Variants in RGL1 observed in about 807,000 individuals in gnomAD.
RGL1 encodes ral guanine nucleotide dissociation stimulator-like 1.
A neutral mutation model predicts 95.2 loss-of-function variants in RGL1; 24 were observed. That is an observed-to-expected ratio of 0.25 (90% CI 0.18 to 0.35). The LOEUF (loss-of-function observed/expected upper bound fraction) is 0.35. RGL1 is among the 10% of genes least tolerant of loss of function. The pLI is 1.00. For synonymous variants in RGL1, 329 were observed against 344.9 expected (o/e 0.95, Z 0.51); for missense variants, 715 against 936.3 (o/e 0.76, Z 3.08).
intron 1 of RGL1, chr1:183,648,037 T>G: frequency 6.2e-7 from 1 of 1,614,236 alleles, no homozygotes; most frequent in South Asian, 1.1e-5. Context: ...GTGTTTGGAT[T>G]CCTTTTTGTC....
intron 1 of RGL1, among the ~76,000 whole-genome samples, chr1:183,715,610 A>G (rs28627445): frequency 0.037 from 5,635 of 152,226 alleles, 130 homozygotes; most frequent in East Asian, 0.12. Flanking sequence ...AAGAATTGCT[A>G]TTATTTTGCC....
At chr1:183,684,277 G>A (rs993001076) in intron 1 of RGL1, among the ~76,000 whole-genome samples, 1 of 152,170 alleles carries the variant, frequency 6.6e-6, no homozygotes, top group African/African-American at 2.4e-5. Context: ...TAGCCTTTTT[G>A]TGCTGGTTTT....
At chr1:183,648,298 T>A in intron 1 of RGL1, 1 of 1,614,206 alleles carries the variant, frequency 6.2e-7, no homozygotes, top group Non-Finnish European at 8.5e-7. Flanking sequence ...GGAAAGTCCA[T>A]CTCAGTATGA....
chr1:183,715,403 G>A (rs955302346), intron 1 of RGL1, among the ~76,000 whole-genome samples: 1 of 152,054 alleles, frequency 6.6e-6, no homozygotes, highest in African/African-American at 2.4e-5. Flanking sequence ...TGTTATATAT[G>A]GTGAACTGAT....
At chr1:183,881,862 G>A (rs931589374) in intron 5 of RGL1, among the ~76,000 whole-genome samples, 1 of 152,226 alleles carries the variant, frequency 6.6e-6, no homozygotes. Context: ...CTCCAGCTGC[G>A]GACCTCAGCT....
intron 16 of RGL1, among the ~76,000 whole-genome samples, chr1:183,920,544 T>C (rs905856371): frequency 6.6e-6 from 1 of 152,204 alleles, no homozygotes; most frequent in African/African-American, 2.4e-5. Context: ...CTTGTCTTCA[T>C]TGGGACATAC....
chr1:183,900,971 C>T (rs1250331974), intron 11 of RGL1, among the ~76,000 whole-genome samples: 1 of 151,510 alleles, frequency 6.6e-6, no homozygotes, highest in Non-Finnish European at 1.5e-5. Context: ...TCAAGACCAG[C>T]CTGGCCAACA....
At chr1:183,821,645 C>T (rs1233433315) in intron 2 of RGL1, among the ~76,000 whole-genome samples, 1 of 152,064 alleles carries the variant, frequency 6.6e-6, no homozygotes, top group Non-Finnish European at 1.5e-5. Context: ...GGAAAGTAAA[C>T]CTGAACATTA....
Position 183,926,458 on chromosome 1 carries a change from A to G in RGL1, c.*166A>G. ...GCATTATGATAGGCACCGTGGGGAA[A>G]CTGGAAATGAATTTGACATGAAAAG... On this transcript the variant is annotated 3_prime_UTR_variant, in exon 18 of 18. Transcript: ENST00000360851. The G allele has an allele frequency of 4.2e-6, 2 of 480,004 alleles. No homozygotes were observed. Among genetic ancestry groups the G allele is most frequent in the Admixed American group, 4.1e-5 (1 of 24,682 alleles). The allele number at this position is 480,004 out of a possible 1,614,324, so 29.7% of individuals were successfully genotyped here.
chr1:183,879,283 TA>T (rs1438084613), intron 4 of RGL1, among the ~76,000 whole-genome samples: 3 of 152,250 alleles, frequency 2.0e-5, no homozygotes, highest in Admixed American at 6.5e-5. Flanking sequence ...AGTTAAGCAT[TA>T]AATTGGCTTT....
chr1:183,789,518 A>G (rs1413987050), intron 2 of RGL1, among the ~76,000 whole-genome samples: 1 of 152,208 alleles, frequency 6.6e-6, no homozygotes. Flanking sequence ...TGTGTAGCAC[A>G]GTGTCTGGTA....
At position 183,926,319 on chromosome 1, in the gene RGL1, G is replaced by GCCAAAGGCAGA; in HGVS notation, c.*28_*38dup. 6.3e-7 allele frequency: 1 copy of GCCAAAGGCAGA among 1,580,282 alleles called. No individual in the cohort carries two copies. The highest frequency in any genetic ancestry group is 1.4e-5 in the African/African-American group (1 of 73,782). On this transcript the variant is annotated 3_prime_UTR_variant, in exon 18 of 18. Coordinates refer to ENST00000360851, the MANE Select transcript of RGL1 (RefSeq NM_001297671.3). The stretch of plus-strand genomic sequence containing the variant: ...GGGAGGGACCAGTGGCCCCTTGTTT[G>GCCAAAGGCAGA]CCAAAGGCAGAGTGGGGCTGAGAAA...
At chr1:183,737,475 C>T (rs908648877) in intron 1 of RGL1, among the ~76,000 whole-genome samples, 2 of 151,670 alleles carry the variant, frequency 1.3e-5, no homozygotes, top group Admixed American at 6.6e-5. Flanking sequence ...GAAGACTAGG[C>T]ACAGTGGCTC....
At chr1:183,888,623 T>A in intron 8 of RGL1, 46 bp downstream of exon 8, 1 of 1,256,122 alleles carries the variant, frequency 8.0e-7, no homozygotes, top group Non-Finnish European at 1.2e-6. Flanking sequence ...CCGGGATAAT[T>A]AGTGGTTGTG....
intron 3 of RGL1, among the ~76,000 whole-genome samples, chr1:183,855,283 C>A (rs1233755623): frequency 6.6e-6 from 1 of 152,132 alleles, no homozygotes; most frequent in Non-Finnish European, 1.5e-5. Context: ...AAACCTTTTC[C>A]CCCCGGGAGC....
chr1:183,868,853 T>C (rs1665992784), intron 4 of RGL1, among the ~76,000 whole-genome samples: 1 of 152,198 alleles, frequency 6.6e-6, no homozygotes, highest in Non-Finnish European at 1.5e-5. Context: ...TGGTGGCTCA[T>C]GCCTGTAATC....
intron 1 of RGL1, among the ~76,000 whole-genome samples, chr1:183,701,711 G>A (rs925131993): frequency 6.6e-6 from 1 of 152,158 alleles, no homozygotes; most frequent in South Asian, 2.1e-4. Context: ...GGCCAAGACA[G>A]GCAGATCACA....
At chr1:183,923,119 G>A (rs1166987650) in intron 17 of RGL1, among the ~76,000 whole-genome samples, 1 of 152,160 alleles carries the variant, frequency 6.6e-6, no homozygotes, top group Admixed American at 6.5e-5. Context: ...AGCAAATATT[G>A]TTGACCGAAG....
intron 2 of RGL1, among the ~76,000 whole-genome samples, chr1:183,840,005 A>G (rs758851527): frequency 6.6e-6 from 1 of 152,216 alleles, no homozygotes; most frequent in East Asian, 1.9e-4. Flanking sequence ...CTTAGAGTCA[A>G]TGAAGAATGG....
Sources: allele counts gnomAD v4.1 joint callset (sites outside exome capture counted in the v4.1 genomes callset), GRCh38; gene constraint gnomAD v4.1.1; transcripts MANE v1.5; gene names NCBI Gene and HGNC (gene_info 2026-07-23, HGNC 2026-07-21).